The following DLGAP2 variants were observed in gnomAD, a reference collection of about 807,000 sequenced individuals.
The protein encoded by DLGAP2 is disks large-associated protein 2.
In DLGAP2, 26 loss-of-function variants were observed where a neutral mutation model predicts 100.3. The ratio of observed to expected loss-of-function variants is 0.26; its 90% CI spans 0.19 to 0.36. The LOEUF (loss-of-function observed/expected upper bound fraction) is 0.36. Ranked by LOEUF, DLGAP2 falls within the 10% of genes least tolerant of loss-of-function variation. DLGAP2 has a pLI of 1.00. For missense variants in DLGAP2, 1,858 were observed against 1,453.2 expected, an observed-to-expected ratio of 1.28 and a Z score of -4.53; for synonymous variants, 886 against 630.1, an observed-to-expected ratio of 1.41 and a Z score of -6.08.
chr8:778,915 C>G (rs1449565323), intron 1 of DLGAP2, among the ~76,000 whole-genome samples: 1 of 152,252 alleles, frequency 6.6e-6, no homozygotes. Flanking sequence ...CAAGCCTGGG[C>G]AATGGTGGGC....
chr8:1,060,013 G>T (rs550473763), intron 2 of DLGAP2, among the ~76,000 whole-genome samples: 1 of 152,186 alleles, frequency 6.6e-6, no homozygotes, highest in Non-Finnish European at 1.5e-5. Context: ...GCAAGTGGTC[G>T]CTGGGATGGC....
intron 6 of DLGAP2, among the ~76,000 whole-genome samples, chr8:1,576,252 T>C (rs1413774457): frequency 6.6e-6 from 1 of 152,252 alleles, no homozygotes; most frequent in Admixed American, 6.5e-5. Flanking sequence ...GTCTGTTGGC[T>C]GCATAAATGT....
intron 3 of DLGAP2, among the ~76,000 whole-genome samples, chr8:1,294,644 CA>C (rs1800130372): frequency 6.6e-6 from 1 of 151,962 alleles, no homozygotes; most frequent in Admixed American, 6.6e-5. Flanking sequence ...TATCTGTTAC[CA>C]AATGTTTAAA....
chr8:1,581,729 C>A (rs1050565750), intron 6 of DLGAP2, among the ~76,000 whole-genome samples: 10 of 151,786 alleles, frequency 6.6e-5, no homozygotes, highest in Middle Eastern at 3.2e-3. Context: ...GTGAAGGATA[C>A]AGATAAAACC....
At chr8:1,098,193 C>A (rs886480021) in intron 2 of DLGAP2, among the ~76,000 whole-genome samples, 1 of 152,244 alleles carries the variant, frequency 6.6e-6, no homozygotes, top group Admixed American at 6.5e-5. Context: ...TGAGTCCCGG[C>A]GTCCTCTGCG....
chr8:1,651,474 G>A (rs1425729235), intron 8 of DLGAP2, among the ~76,000 whole-genome samples: 1 of 152,194 alleles, frequency 6.6e-6, no homozygotes, highest in African/African-American at 2.4e-5. Flanking sequence ...GGAAGTTCCT[G>A]GCATACAACA....
At chr8:1,558,385 G>C (rs2906575) in intron 5 of DLGAP2, among the ~76,000 whole-genome samples, 145,942 of 152,294 alleles carry the variant, frequency 0.96, 70,009 homozygotes, top group East Asian at 1. Context: ...AGGCCACACC[G>C]CAGGCCTGGG....
At chr8:946,535 T>C (rs950546208) in intron 2 of DLGAP2, among the ~76,000 whole-genome samples, 2 of 152,054 alleles carry the variant, frequency 1.3e-5, no homozygotes, top group African/African-American at 4.8e-5. Context: ...AGTGCTGGGA[T>C]TACAGGCGTG....
intron 3 of DLGAP2, among the ~76,000 whole-genome samples, chr8:1,373,187 C>G (rs1346233254): frequency 6.6e-6 from 1 of 152,192 alleles, no homozygotes; most frequent in African/African-American, 2.4e-5. Flanking sequence ...TTTGCATTTG[C>G]TGCCGTTTGC....
intron 6 of DLGAP2, among the ~76,000 whole-genome samples, chr8:1,594,540 T>C (rs888801432): frequency 6.6e-6 from 1 of 151,942 alleles, no homozygotes; most frequent in African/African-American, 2.4e-5. Flanking sequence ...AATAATTCAA[T>C]CAGGACAGCA....
At chr8:1,462,381 G>A (rs1354798432) in intron 3 of DLGAP2, among the ~76,000 whole-genome samples, 1 of 94,654 alleles carries the variant, frequency 1.1e-5, no homozygotes, top group Non-Finnish European at 2.2e-5. Flanking sequence ...CAGGAGGAGG[G>A]AGAAGGGTGG....
At chr8:1,569,791 A>T (rs1322754982) in intron 6 of DLGAP2, among the ~76,000 whole-genome samples, 2 of 152,114 alleles carry the variant, frequency 1.3e-5, no homozygotes, top group African/African-American at 4.8e-5. Flanking sequence ...AGCCCATGGC[A>T]CTGCTCTGTG....
At chr8:982,025 A>C (rs1328030303) in intron 2 of DLGAP2, among the ~76,000 whole-genome samples, 1 of 151,956 alleles carries the variant, frequency 6.6e-6, no homozygotes, top group Non-Finnish European at 1.5e-5. Flanking sequence ...TTGCTCCTCC[A>C]CCTTTAAACT....
chr8:1,235,241 C>T (rs117753453), intron 2 of DLGAP2, among the ~76,000 whole-genome samples: 1 of 126,778 alleles, frequency 7.9e-6, no homozygotes, highest in Non-Finnish European at 1.6e-5. Context: ...GTCTAGTTCT[C>T]TCACACATGG....
intron 2 of DLGAP2, among the ~76,000 whole-genome samples, chr8:1,218,195 C>A (rs112706160): frequency 6.6e-5 from 10 of 152,260 alleles, no homozygotes; most frequent in African/African-American, 2.2e-4. Context: ...TTTCTAGGTT[C>A]TCTTCCAGAT....
At chr8:1,377,353 G>C (rs1315298965) in intron 3 of DLGAP2, among the ~76,000 whole-genome samples, 1 of 152,134 alleles carries the variant, frequency 6.6e-6, no homozygotes, top group Admixed American at 6.5e-5. Flanking sequence ...GACCATCCTG[G>C]GTAATATGGT....
chr8:884,882 A>AT (rs1375333507), intron 1 of DLGAP2, among the ~76,000 whole-genome samples: 1 of 152,158 alleles, frequency 6.6e-6, no homozygotes, highest in African/African-American at 2.4e-5. Context: ...ATTTTACTGA[A>AT]TAGGAGATCC....
chr8:1,129,861 C>T (rs1461860653), intron 2 of DLGAP2, among the ~76,000 whole-genome samples: 3 of 152,078 alleles, frequency 2.0e-5, no homozygotes, highest in African/African-American at 7.2e-5. Flanking sequence ...GGGCCTTGGA[C>T]CCCCAGGACC....
At chr8:1,557,281 C>A (rs1215368398) in intron 5 of DLGAP2, among the ~76,000 whole-genome samples, 1 of 152,126 alleles carries the variant, frequency 6.6e-6, no homozygotes, top group African/African-American at 2.4e-5. Context: ...AGCTGTGCAG[C>A]CGGGGGGCTC....
Sources: gnomAD v4.1 joint callset for allele counts (sites outside exome capture counted in the v4.1 genomes callset) on GRCh38, gnomAD v4.1.1 for gene constraint, MANE v1.5 for transcripts, NCBI Gene and HGNC (gene_info 2026-07-23, HGNC 2026-07-21) for gene names.